Variants in CLMN observed in about 807,000 individuals in gnomAD.
CLMN encodes calmin.
In CLMN, 57 loss-of-function variants were observed where a neutral mutation model predicts 92.7. That is an observed-to-expected ratio of 0.61 (90% CI 0.50 to 0.77). The LOEUF (loss-of-function observed/expected upper bound fraction) is 0.77, where lower values mean the gene tolerates loss of function less well. Among genes scored for constraint, CLMN ranks in the 30% least tolerant of loss-of-function variants. CLMN has a pLI of 0.00. For synonymous variants in CLMN, 466 were observed against 470.6 expected (o/e 0.99, Z 0.13); for missense variants, 1,158 against 1,237.5 (o/e 0.94, Z 0.96).
chr14:95,246,689 A>C (rs1215473443), intron 1 of CLMN, among the ~76,000 whole-genome samples: 13 of 152,080 alleles, frequency 8.5e-5, no homozygotes, highest in Admixed American at 8.5e-4. Flanking sequence ...GGATGGTTTC[A>C]ATCTCCTGAC....
chr14:95,207,898 A>C (rs559824265), intron 8 of CLMN, among the ~76,000 whole-genome samples: 11 of 152,224 alleles, frequency 7.2e-5, no homozygotes, highest in Non-Finnish European at 1.6e-4. Context: ...AAGGGAAACA[A>C]GAGCCTGAAC....
At chr14:95,291,331 T>C (rs1398914380) in intron 1 of CLMN, among the ~76,000 whole-genome samples, 1 of 152,098 alleles carries the variant, frequency 6.6e-6, no homozygotes, top group African/African-American at 2.4e-5. Flanking sequence ...TGTAAACAGA[T>C]TTATCCCGCC....
rs1313278594 is a variant in CLMN at position 95,256,852 on chromosome 14, G to A, written c.83-26719C>T. The stretch of plus-strand genomic sequence containing the variant: ...CACTAAGCCTCCTGGGTCAGGGGCA[G>A]AATTGGAGCAGGAGCTTGAAGGCCC... On this transcript the variant is annotated intron_variant, in intron 1 of 12. Transcript: ENST00000298912. The surrounding 1 kb of genome is among the most constrained non-coding windows in gnomAD (Gnocchi z 4.9). 6.6e-6 allele frequency among the ~76,000 whole-genome samples: 1 copy of A among 152,224 alleles called. No individual in the cohort carries two copies. The highest frequency in any genetic ancestry group is 1.5e-5 in the Non-Finnish European group (1 of 68,036).
rs1165196848 is a variant in CLMN, at chr14:95,213,267, C to G, written c.560G>C (p.Arg187Thr). 1 of 1,614,054 alleles carries G rather than the reference C, an allele frequency of 6.2e-7. No individual in the cohort carries two copies. The highest frequency in any genetic ancestry group is 8.5e-7 in the Non-Finnish European group (1 of 1,179,990). ...RSVAISVKDQ[R>T]KAIKALLAWV... ...CGCCAACAGGGCCTTGATAGCCTTCCTCTGGTCTTTCACCGATATTGCCAC... is the reference window on the plus strand; with the variant it reads ...CGCCAACAGGGCCTTGATAGCCTTCGTCTGGTCTTTCACCGATATTGCCAC... The change falls in exon 6 of 13, where the codon AGG becomes ACG. Residue 187 changes from arginine (R) to threonine (T), a missense_variant. Physicochemically the swap from Arg to Thr is moderately conservative, Grantham distance 71. Coordinates refer to ENST00000298912, the MANE Select transcript of CLMN (RefSeq NM_024734.4).
rs937263898 is a variant in CLMN at position 95,187,424 on chromosome 14, C to T, written c.*4140G>A. 1 of 152,292 alleles carries T rather than the reference C, an allele frequency of 6.6e-6. No individual in the cohort carries two copies. Among genetic ancestry groups the T allele is most frequent in the Non-Finnish European group, 1.5e-5 (1 of 68,114 alleles). The allele number at this position is 152,292 out of a possible 1,614,324, so 9.4% of individuals were successfully genotyped here. Reference sequence around the variant, plus strand: ...GGAGGGGGATCCTAAAACCACATGCCTGCAGAGGGGAGGCCACAGAGTGGT... The same window carrying T: ...GGAGGGGGATCCTAAAACCACATGCTTGCAGAGGGGAGGCCACAGAGTGGT... On this transcript the variant is annotated 3_prime_UTR_variant, in exon 13 of 13. Transcript: ENST00000298912.
intron 1 of CLMN, among the ~76,000 whole-genome samples, chr14:95,292,557 T>C (rs1309129370): frequency 6.6e-6 from 1 of 151,422 alleles, no homozygotes; most frequent in Non-Finnish European, 1.5e-5. Context: ...CTCTAAGAAA[T>C]GTCCTTGAAT....
chr14:95,268,375 TAAAA>T (rs35568472), intron 1 of CLMN, among the ~76,000 whole-genome samples: 1 of 124,028 alleles, frequency 8.1e-6, no homozygotes, highest in Non-Finnish European at 1.8e-5. Context: ...TTATGCTATG[TAAAA>T]AAAAAAAAAA....
chr14:95,252,663 G>T (rs569726126), intron 1 of CLMN, among the ~76,000 whole-genome samples: 29 of 152,336 alleles, frequency 1.9e-4, no homozygotes, highest in Non-Finnish European at 3.2e-4. Flanking sequence ...GTGATTTAGA[G>T]TGGAGGTTTT....
chr14:95,197,934 T>C (rs1312034468), intron 9 of CLMN, among the ~76,000 whole-genome samples: 1 of 152,156 alleles, frequency 6.6e-6, no homozygotes, highest in African/African-American at 2.4e-5. Flanking sequence ...CAAATGCTAC[T>C]GTTTTTGAAA....
At chr14:95,204,577 T>A in intron 8 of CLMN, 114 bp from the exon 9 acceptor site, 1 of 994,342 alleles carries the variant, frequency 1.0e-6, no homozygotes, top group Non-Finnish European at 1.4e-6. Flanking sequence ...TATCCACCTT[T>A]CCCAAAACAC....
In CLMN at chr14:95,259,506, T is replaced by G. The variant is rs563779131; in HGVS notation, c.83-29373A>C. ...GCCCCTCCTGGAGTTTCAAGAAACA[T>G]CTGGGAGGAAACGAGACAGGCTGTA... On this transcript the variant is annotated intron_variant, in intron 1 of 12. Transcript: ENST00000298912. The surrounding 1 kb of genome is among the most constrained non-coding windows in gnomAD (Gnocchi z 4.3). 5.3e-4 allele frequency among the ~76,000 whole-genome samples: 80 copies of G among 152,212 alleles called. No homozygotes were observed. In the South Asian group the frequency reaches 8.7e-3, roughly 17 times the overall value.
At chr14:95,245,813 T>G (rs1595054103) in intron 1 of CLMN, among the ~76,000 whole-genome samples, 1 of 148,298 alleles carries the variant, frequency 6.7e-6, no homozygotes, top group East Asian at 2.0e-4. Context: ...GATGGATGGA[T>G]GGACGGATGG....
rs555390621 is a variant in CLMN at position 95,262,603 on chromosome 14, TTG to T, written c.83-32472_83-32471del. Among the ~76,000 whole-genome samples the T allele has an allele frequency of 9.4e-4, 143 of 152,294 alleles. 1 individual carries two copies. Among genetic ancestry groups the T allele is most frequent in the African/African-American group, 3.0e-3 (124 of 41,556 alleles). On this transcript the variant is annotated intron_variant, in intron 1 of 12. Transcript: ENST00000298912. ...ATTTTTGAGACAGGATCTTACTCTATTGTCCAGGCTGGAGTATAGTGGTGTGA... is the reference window on the plus strand; with the variant it reads ...ATTTTTGAGACAGGATCTTACTCTATTCCAGGCTGGAGTATAGTGGTGTGA...
rs1293324279 is a variant in CLMN at position 95,202,975 on chromosome 14, T to C, written c.2374A>G (p.Ser792Gly). 2 of 1,614,098 alleles carry C rather than the reference T, an allele frequency of 1.2e-6. No individual in the cohort carries two copies. The highest frequency in any genetic ancestry group is 2.2e-5 in the East Asian group (1 of 44,866). Residue 792 changes from serine to glycine, a missense_variant, in exon 9 of 13, where the codon AGT becomes GGT. By Grantham distance (56) the Ser-to-Gly change is moderately conservative. Coordinates refer to ENST00000298912, the MANE Select transcript of CLMN (RefSeq NM_024734.4). ...AGATACAGCACCTGGTCGCTGGCACTGGGGAGGCTCTCTCCTGGCACCGAG... is the reference window on the plus strand; with the variant it reads ...AGATACAGCACCTGGTCGCTGGCACCGGGGAGGCTCTCTCCTGGCACCGAG... Reference protein sequence around the residue: ...SSSVPGESLPSASDQVLYLSR... With the variant: ...SSSVPGESLPGASDQVLYLSR...
At chr14:95,198,439 C>T (rs1357140895) in intron 9 of CLMN, among the ~76,000 whole-genome samples, 1 of 152,002 alleles carries the variant, frequency 6.6e-6, no homozygotes, top group Non-Finnish European at 1.5e-5. Context: ...CCAGACCTCA[C>T]CTTGGGCTCC....
intron 1 of CLMN, among the ~76,000 whole-genome samples, chr14:95,301,859 C>T (rs1000814000): frequency 2.0e-5 from 3 of 152,234 alleles, no homozygotes; most frequent in Admixed American, 6.5e-5. Flanking sequence ...TCACTTAGTA[C>T]GTGTCAACTA....
At chr14:95,215,301 T>C (rs113720305) in intron 5 of CLMN, among the ~76,000 whole-genome samples, 244 of 152,334 alleles carry the variant, frequency 1.6e-3, no homozygotes, top group African/African-American at 5.7e-3. Flanking sequence ...ACTGAGTGAT[T>C]TCAGGAAAGT....
intron 1 of CLMN, among the ~76,000 whole-genome samples, chr14:95,317,827 TTAA>T (rs1595130827): frequency 6.6e-6 from 1 of 152,238 alleles, no homozygotes; most frequent in African/African-American, 2.4e-5. Flanking sequence ...TTTGTTGAAC[TTAA>T]TAAGTGCACA....
chr14:95,232,280 G>A (rs1897914780), intron 1 of CLMN, among the ~76,000 whole-genome samples: 1 of 152,202 alleles, frequency 6.6e-6, no homozygotes, highest in Admixed American at 6.5e-5. Flanking sequence ...TGAGCCAGAC[G>A]GCTCCTCAGC....
Sources: allele counts gnomAD v4.1 joint callset (sites outside exome capture counted in the v4.1 genomes callset), GRCh38; gene constraint gnomAD v4.1.1; non-coding constraint Gnocchi (gnomAD v3.1); transcripts MANE v1.5; gene names NCBI Gene and HGNC (gene_info 2026-07-23, HGNC 2026-07-21).